Variants in ME3 observed in about 807,000 individuals in gnomAD.
ME3 encodes malic enzyme 3.
In ME3, 48 loss-of-function variants were observed where a neutral mutation model predicts 68.9. That is an observed-to-expected ratio of 0.70 (90% CI 0.55 to 0.89). The LOEUF is 0.89. Ranked by LOEUF, ME3 falls within the 40% of genes least tolerant of loss-of-function variation. The pLI is 0.00. For synonymous variants in ME3, 320 were observed against 318.8 expected, an observed-to-expected ratio of 1.00 and a Z score of -0.04; for missense variants, 675 against 797.4, an observed-to-expected ratio of 0.85 and a Z score of 1.85.
intron 2 of ME3, among the ~76,000 whole-genome samples, chr11:86,620,193 A>G (rs570726486): frequency 7.2e-5 from 11 of 152,224 alleles, no homozygotes; most frequent in Non-Finnish European, 1.5e-4. Context: ...TATGACATAT[A>G]TCCCTATTTT....
At chr11:86,483,023 G>T (rs1358305247) in intron 7 of ME3, among the ~76,000 whole-genome samples, 1 of 152,192 alleles carries the variant, frequency 6.6e-6, no homozygotes, top group African/African-American at 2.4e-5. Flanking sequence ...AGATCAAGAG[G>T]CAAGTGAACA....
intron 4 of ME3, among the ~76,000 whole-genome samples, chr11:86,510,129 C>T (rs1424513109): frequency 1.3e-5 from 2 of 152,198 alleles, no homozygotes; most frequent in African/African-American, 4.8e-5. Flanking sequence ...GCATTGCCTA[C>T]ACTAACTGCT....
rs1306962937 is a variant in ME3 at position 86,442,766 on chromosome 11, C to A, written c.1653+55G>T. The A allele has an allele frequency of 4.9e-6, 7 of 1,439,774 alleles. No individual in the cohort carries two copies. In the Admixed American group the frequency reaches 1.2e-4, roughly 25 times the overall value. The allele number at this position is 1,439,774 out of a possible 1,614,324, so 89.2% of individuals were successfully genotyped here. On this transcript the variant is annotated intron_variant, in intron 14 of 14. Coordinates refer to ENST00000543262, the Ensembl canonical transcript of ME3. ...CCCTTAACCCTCCTAAAGTCACAGA[C>A]AGAGAAAGTGGTTGAGCCTCACTAC...
At chr11:86,459,867 G>T (rs866968358) in intron 8 of ME3, among the ~76,000 whole-genome samples, 1 of 152,252 alleles carries the variant, frequency 6.6e-6, no homozygotes, top group Non-Finnish European at 1.5e-5. Context: ...GGACAATGCA[G>T]GTCCAGGGAA....
rs913113213 is a variant in ME3, at chr11:86,575,615, A to G, written c.184-15792T>C. ...GACTTGGTTGCCTTTTAGAGGAGACAGAGATGAAGTGGATGACGTGCTCCC... is the reference window on the plus strand; with the variant it reads ...GACTTGGTTGCCTTTTAGAGGAGACGGAGATGAAGTGGATGACGTGCTCCC... On this transcript the variant is annotated intron_variant, in intron 2 of 14. Transcript: ENST00000543262. Among the ~76,000 whole-genome samples the G allele has an allele frequency of 2.1e-4, 31 of 150,936 alleles. 4 individuals carry two copies. Among genetic ancestry groups the G allele is most frequent in the African/African-American group, 7.4e-4 (30 of 40,548 alleles).
exon 1 of ME3, chr11:86,672,358 C>T: frequency 5.9e-6 from 1 of 169,758 alleles, no homozygotes; most frequent in Non-Finnish European, 1.2e-5. Flanking sequence ...CTACGCGGTC[C>T]CGCTGCGGAG....
At chr11:86,582,493 A>G (rs11234700) in intron 2 of ME3, among the ~76,000 whole-genome samples, 72,755 of 151,892 alleles carry the variant, frequency 0.48, 19,005 homozygotes, top group East Asian at 0.71. Flanking sequence ...CTAATCCTTA[A>G]CACACATTCA....
chr11:86,521,761 T>G (rs1234980985), intron 4 of ME3, among the ~76,000 whole-genome samples: 7 of 152,210 alleles, frequency 4.6e-5, no homozygotes, highest in African/African-American at 1.2e-4. Context: ...GTCTACTAAT[T>G]TCAAAACTAC....
rs1317771277 is a variant in ME3, at chr11:86,668,127, G to A, written c.183+3635C>T. On this transcript the variant is annotated intron_variant, in intron 2 of 14. Coordinates refer to ENST00000543262, the Ensembl canonical transcript of ME3. Reference sequence around the variant, plus strand: ...TGCCTAAATCAGTCTATGCAGTTGTGAATTGCCATCATTATTCAGTAGACT... The same window carrying A: ...TGCCTAAATCAGTCTATGCAGTTGTAAATTGCCATCATTATTCAGTAGACT... The A allele has an allele frequency of 3.9e-5, 6 of 152,086 alleles. No homozygotes were observed. In the East Asian group the frequency reaches 9.6e-4, roughly 24 times the overall value. The allele number at this position is 152,086 out of a possible 1,614,324, so 9.4% of individuals were successfully genotyped here. A position where few individuals can be genotyped will look rare whatever the true frequency, so the allele number is the denominator to read the frequency against.
At chr11:86,441,412 A>G in exon 15 of ME3, 3 of 1,606,138 alleles carry the variant, frequency 1.9e-6, no homozygotes, top group Non-Finnish European at 2.5e-6. Context: ...GTAGGAAGCC[A>G]GGTTGTGTTT....
chr11:86,472,582 C>T (rs1950844266), intron 7 of ME3, among the ~76,000 whole-genome samples: 1 of 152,176 alleles, frequency 6.6e-6, no homozygotes, highest in Admixed American at 6.5e-5. Flanking sequence ...GCATAGACAG[C>T]TTTGAGACTG....
intron 2 of ME3, among the ~76,000 whole-genome samples, chr11:86,658,970 T>C (rs1280034768): frequency 2.0e-5 from 3 of 152,118 alleles, no homozygotes; most frequent in African/African-American, 7.2e-5. Flanking sequence ...CCTCAAGTGA[T>C]TTTACCAGTC....
intron 7 of ME3, among the ~76,000 whole-genome samples, chr11:86,469,636 C>G (rs1319113600): frequency 3.3e-5 from 5 of 152,304 alleles, no homozygotes; most frequent in Admixed American, 2.6e-4. Flanking sequence ...CTTCACCCTC[C>G]AGCCCTGGCA....
chr11:86,620,851 C>T (rs932641699), intron 2 of ME3, among the ~76,000 whole-genome samples: 3 of 152,198 alleles, frequency 2.0e-5, no homozygotes, highest in African/African-American at 7.2e-5. Flanking sequence ...TCTCTGTCCT[C>T]TAGGGCCTCA....
chr11:86,511,225 A>G (rs1953501802), intron 4 of ME3, among the ~76,000 whole-genome samples: 1 of 152,184 alleles, frequency 6.6e-6, no homozygotes, highest in Non-Finnish European at 1.5e-5. Flanking sequence ...CTTGAAATCA[A>G]TGACTCATTG....
intron 2 of ME3, among the ~76,000 whole-genome samples, chr11:86,623,980 C>T (rs1384350189): frequency 1.3e-5 from 2 of 152,198 alleles, no homozygotes; most frequent in African/African-American, 2.4e-5. Flanking sequence ...GACCCCTTCC[C>T]TCTAGCTGCT....
intron 7 of ME3, among the ~76,000 whole-genome samples, chr11:86,470,003 A>C (rs1950697376): frequency 6.6e-6 from 1 of 152,068 alleles, no homozygotes; most frequent in Non-Finnish European, 1.5e-5. Context: ...CCTGGGATGC[A>C]TCCTCCCATG....
intron 4 of ME3, among the ~76,000 whole-genome samples, chr11:86,517,370 A>C (rs1011580573): frequency 1.3e-5 from 2 of 152,146 alleles, no homozygotes; most frequent in African/African-American, 4.8e-5. Flanking sequence ...CAGTCCCTAG[A>C]TGTGGGGGTC....
chr11:86,528,599 GTT>G, intron 4 of ME3, among the ~76,000 whole-genome samples: 2 of 152,026 alleles, frequency 1.3e-5, no homozygotes, highest in Non-Finnish European at 2.9e-5. Flanking sequence ...TGACCACATA[GTT>G]GGAAGTAAAG....
Sources: allele counts gnomAD v4.1 joint callset (sites outside exome capture counted in the v4.1 genomes callset), GRCh38; gene constraint gnomAD v4.1.1; transcripts MANE v1.5; gene names NCBI Gene and HGNC (gene_info 2026-07-23, HGNC 2026-07-21).